GRM7: variants seen among roughly 807,000 people sequenced by gnomAD.
The protein encoded by GRM7 is glutamate metabotropic receptor 7, also known as metabotropic glutamate receptor 7.
In GRM7, 35 loss-of-function variants were observed where a neutral mutation model predicts 84.5. That is an observed-to-expected ratio of 0.41 (90% confidence interval 0.32 to 0.55). The LOEUF is 0.55. Among genes scored for constraint, GRM7 ranks in the 20% least tolerant of loss-of-function variants. The pLI is 0.19. For missense variants in GRM7, 1,003 were observed against 1,194.6 expected, an observed-to-expected ratio of 0.84 and a Z score of 2.36; for synonymous variants, 487 against 455.1, an observed-to-expected ratio of 1.07 and a Z score of -0.89.
intron 1 of GRM7, among the ~76,000 whole-genome samples, chr3:7,067,023 A>T (rs1042542316): frequency 1.1e-4 from 16 of 151,954 alleles, no homozygotes; most frequent in Non-Finnish European, 4.4e-5. Context: ...GACATACTTT[A>T]ATATAATAAA....
intron 1 of GRM7, among the ~76,000 whole-genome samples, chr3:7,022,454 T>C (rs2124914105): frequency 6.6e-6 from 1 of 152,010 alleles, no homozygotes; most frequent in East Asian, 1.9e-4. Flanking sequence ...TCTTTCTGCC[T>C]CTGTAGCAGC....
intron 4 of GRM7, among the ~76,000 whole-genome samples, chr3:7,414,413 T>A (rs1391038881): frequency 6.6e-6 from 1 of 152,036 alleles, no homozygotes; most frequent in Non-Finnish European, 1.5e-5. Context: ...GCCTAGGCCT[T>A]GGGACACTGA....
At chr3:7,325,936 A>G (rs1700966950) in intron 4 of GRM7, among the ~76,000 whole-genome samples, 1 of 152,156 alleles carries the variant, frequency 6.6e-6, no homozygotes, top group South Asian at 2.1e-4. Context: ...ACAGCACCAA[A>G]GCCAGACCTG....
intron 4 of GRM7, among the ~76,000 whole-genome samples, chr3:7,408,842 C>T (rs1695792916): frequency 6.6e-6 from 1 of 152,178 alleles, no homozygotes; most frequent in African/African-American, 2.4e-5. Flanking sequence ...GTGGTTGAAT[C>T]CATGCAGTGC....
intron 6 of GRM7, among the ~76,000 whole-genome samples, chr3:7,459,501 T>C (rs1698151881): frequency 6.6e-6 from 1 of 152,030 alleles, no homozygotes; most frequent in African/African-American, 2.4e-5. Flanking sequence ...GACTCACAGT[T>C]CCATGAGGCT....
At chr3:7,359,919 C>T (rs1267386335) in intron 4 of GRM7, among the ~76,000 whole-genome samples, 1 of 148,240 alleles carries the variant, frequency 6.7e-6, no homozygotes, top group Non-Finnish European at 1.5e-5. Flanking sequence ...TTTCTAATTA[C>T]TGAGAAGCAA....
chr3:7,016,540 GA>G (rs1559385771), intron 1 of GRM7, among the ~76,000 whole-genome samples: 2 of 152,268 alleles, frequency 1.3e-5, no homozygotes, highest in Middle Eastern at 3.4e-3. Context: ...CTTTTCTGAG[GA>G]AGGAACTCAG....
At chr3:7,330,462 C>T (rs372923592) in intron 4 of GRM7, among the ~76,000 whole-genome samples, 21 of 152,178 alleles carry the variant, frequency 1.4e-4, no homozygotes, top group South Asian at 1.0e-3. Flanking sequence ...TAATGTGGTT[C>T]GGCTCTGTTC....
chr3:7,090,277 G>C (rs751711959), intron 1 of GRM7, among the ~76,000 whole-genome samples: 3 of 152,206 alleles, frequency 2.0e-5, no homozygotes, highest in Non-Finnish European at 4.4e-5. Flanking sequence ...TTGTGACAAT[G>C]GGAAGCCACC....
intron 4 of GRM7, among the ~76,000 whole-genome samples, chr3:7,318,095 A>G (rs1290999563): frequency 2.0e-5 from 3 of 152,156 alleles, no homozygotes; most frequent in Admixed American, 6.6e-5. Context: ...GCGTCTTAAC[A>G]TTTTGAAACG....
chr3:7,154,622 T>G (rs558097307), intron 2 of GRM7, among the ~76,000 whole-genome samples: 22 of 152,162 alleles, frequency 1.4e-4, no homozygotes, highest in African/African-American at 5.1e-4. Flanking sequence ...AAAGATGCAG[T>G]GTAAGGAAAC....
chr3:6,921,837 A>G (rs3846162), intron 1 of GRM7, among the ~76,000 whole-genome samples: 11,110 of 151,978 alleles, frequency 0.073, 550 homozygotes, highest in Non-Finnish European at 0.11. Flanking sequence ...TCTCCCCCCA[A>G]ATCACAGATG....
intron 7 of GRM7, among the ~76,000 whole-genome samples, chr3:7,578,034 C>A (rs184704430): frequency 6.6e-6 from 1 of 152,022 alleles, no homozygotes; most frequent in Non-Finnish European, 1.5e-5. Context: ...ACTTATTACC[C>A]GGGGGGAAGA....
intron 8 of GRM7, among the ~76,000 whole-genome samples, chr3:7,646,301 C>G (rs935634770): frequency 6.6e-6 from 1 of 152,172 alleles, no homozygotes; most frequent in African/African-American, 2.4e-5. Context: ...AAGCAATTAT[C>G]CTGCCTCAGC....
At chr3:6,944,929 G>T (rs1440025806) in intron 1 of GRM7, among the ~76,000 whole-genome samples, 1 of 151,978 alleles carries the variant, frequency 6.6e-6, no homozygotes, top group African/African-American at 2.4e-5. Flanking sequence ...GGCACAAAGT[G>T]TTCATAAATT....
chr3:6,913,026 G>A (rs1696825062), intron 1 of GRM7, among the ~76,000 whole-genome samples: 1 of 152,108 alleles, frequency 6.6e-6, no homozygotes, highest in African/African-American at 2.4e-5. Context: ...AACATTAGCA[G>A]TTCAAATCAA....
chr3:7,191,940 C>G (rs532590808), intron 2 of GRM7, among the ~76,000 whole-genome samples: 1 of 152,038 alleles, frequency 6.6e-6, no homozygotes, highest in South Asian at 2.1e-4. Context: ...ATATTTCTTA[C>G]CAGGTACATC....
chr3:6,892,036 G>T (rs112792474), intron 1 of GRM7, among the ~76,000 whole-genome samples: 5 of 152,000 alleles, frequency 3.3e-5, no homozygotes, highest in African/African-American at 1.2e-4. Flanking sequence ...GGCTCCTGAG[G>T]CTTCTGCATT....
At chr3:7,118,945 C>A (rs1445699194) in intron 1 of GRM7, among the ~76,000 whole-genome samples, 2 of 152,094 alleles carry the variant, frequency 1.3e-5, no homozygotes, top group Non-Finnish European at 2.9e-5. Context: ...TAAAGCATAT[C>A]TTGACTTGCC....
Sources: allele counts gnomAD v4.1 joint callset (sites outside exome capture counted in the v4.1 genomes callset), GRCh38; gene constraint gnomAD v4.1.1; transcripts MANE v1.5; gene names NCBI Gene and HGNC (gene_info 2026-07-23, HGNC 2026-07-21).